Variants in APBB2 observed in about 807,000 individuals in gnomAD.
APBB2 encodes the protein Fe65-like 1.
A neutral mutation model predicts 82.5 loss-of-function variants in APBB2; 38 were observed. The ratio of observed to expected loss-of-function variants is 0.46; its 90% CI spans 0.36 to 0.60. The LOEUF (loss-of-function observed/expected upper bound fraction) is 0.60. Among genes scored for constraint, APBB2 ranks in the 20% least tolerant of loss-of-function variants. APBB2 has a pLI of 0.00. For missense variants in APBB2, 772 were observed against 972.3 expected (o/e 0.79, Z 2.74); for synonymous variants, 341 against 368.2 (o/e 0.93, Z 0.85).
chr4:40,915,659 G>A (rs536860610), intron 10 of APBB2, among the ~76,000 whole-genome samples: 2 of 152,118 alleles, frequency 1.3e-5, no homozygotes, highest in South Asian at 4.2e-4. Context: ...AGTTCATAAC[G>A]TGCAAAGACC....
chr4:41,086,118 T>C (rs1739557613), intron 3 of APBB2, among the ~76,000 whole-genome samples: 1 of 151,966 alleles, frequency 6.6e-6, no homozygotes, highest in African/African-American at 2.4e-5. Context: ...CAAAACTGAA[T>C]CATGAAGAAA....
chr4:40,994,298 AAG>A (rs1803012114), intron 6 of APBB2, among the ~76,000 whole-genome samples: 1 of 151,776 alleles, frequency 6.6e-6, no homozygotes. Flanking sequence ...AAAAAAAAAA[AAG>A]AAACACCTAG....
intron 4 of APBB2, among the ~76,000 whole-genome samples, chr4:41,040,855 C>A (rs761649131): frequency 6.6e-6 from 1 of 152,178 alleles, no homozygotes; most frequent in African/African-American, 2.4e-5. Context: ...AAATAAAGCA[C>A]ACTTGAGAAC....
chr4:41,033,373 G>T, intron 4 of APBB2, 69 bp from the exon 5 acceptor site: 1 of 1,084,518 alleles, frequency 9.2e-7, no homozygotes, highest in Non-Finnish European at 1.3e-6. Flanking sequence ...GAAAAGCATA[G>T]CAGTGAAAAT....
chr4:41,052,023 T>C (rs1489625184), intron 4 of APBB2, among the ~76,000 whole-genome samples: 5 of 152,132 alleles, frequency 3.3e-5, no homozygotes, highest in Admixed American at 3.3e-4. Flanking sequence ...GTGTAAGTGT[T>C]AACTGTCACC....
chr4:40,975,351 T>G (rs1796885070), intron 6 of APBB2, among the ~76,000 whole-genome samples: 1 of 152,184 alleles, frequency 6.6e-6, no homozygotes, highest in Admixed American at 6.5e-5. Flanking sequence ...CAAAAGGCTT[T>G]CACCCTTTTT....
chr4:40,837,751 G>A (rs1007186103), intron 12 of APBB2, among the ~76,000 whole-genome samples: 6 of 152,160 alleles, frequency 3.9e-5, no homozygotes, highest in Non-Finnish European at 7.3e-5. Flanking sequence ...GAATCATTGC[G>A]TTTTCTTTTA....
chr4:41,193,090 A>G (rs897856825), intron 1 of APBB2, among the ~76,000 whole-genome samples: 1 of 152,246 alleles, frequency 6.6e-6, no homozygotes, highest in African/African-American at 2.4e-5. Flanking sequence ...TTTAAAATAC[A>G]AAAGCAAAAA....
chr4:41,199,906 C>A (rs530062811), intron 1 of APBB2, among the ~76,000 whole-genome samples: 1 of 152,326 alleles, frequency 6.6e-6, no homozygotes, highest in Non-Finnish European at 1.5e-5. Context: ...CTGATTTCCT[C>A]TGTATGCTAG....
chr4:41,119,173 C>T (rs1038621655), intron 2 of APBB2, among the ~76,000 whole-genome samples: 2 of 149,022 alleles, frequency 1.3e-5, no homozygotes, highest in African/African-American at 5.0e-5. Flanking sequence ...AGAGCATGAA[C>T]ATGAGGTCAA....
At chr4:40,931,433 GCTAT>G (rs1784209623) in intron 10 of APBB2, among the ~76,000 whole-genome samples, 1 of 152,068 alleles carries the variant, frequency 6.6e-6, no homozygotes, top group African/African-American at 2.4e-5. Context: ...ACCACACCCA[GCTAT>G]TTTTTTATTT....
chr4:40,942,718 G>C (rs1026783471), intron 7 of APBB2, among the ~76,000 whole-genome samples: 1 of 152,098 alleles, frequency 6.6e-6, no homozygotes, highest in African/African-American at 2.4e-5. Flanking sequence ...AGGGGCCCTG[G>C]GCAGTAGTTA....
intron 1 of APBB2, among the ~76,000 whole-genome samples, chr4:41,172,756 T>C (rs916982719): frequency 2.6e-5 from 4 of 152,358 alleles, no homozygotes; most frequent in Non-Finnish European, 4.4e-5. Flanking sequence ...TCCCTCTGAC[T>C]ATGCCTGAAA....
intron 3 of APBB2, among the ~76,000 whole-genome samples, chr4:41,092,301 A>G (rs762781589): frequency 6.6e-6 from 1 of 152,266 alleles, no homozygotes; most frequent in Non-Finnish European, 1.5e-5. Context: ...ACCAGCTTAC[A>G]GCAGACTGAA....
chr4:40,875,793 C>G, intron 12 of APBB2, among the ~76,000 whole-genome samples: 1 of 150,046 alleles, frequency 6.7e-6, no homozygotes, highest in East Asian at 1.9e-4. Flanking sequence ...ATGTTTGCAA[C>G]TTTCTGCTAA....
At chr4:41,027,576 TTTTCATTTCCC>T (rs1218720136) in intron 5 of APBB2, among the ~76,000 whole-genome samples, 1 of 152,016 alleles carries the variant, frequency 6.6e-6, no homozygotes, top group Non-Finnish European at 1.5e-5. Flanking sequence ...GGGGCTATGC[TTTTCATTTCCC>T]TTTCATTTTC....
rs531259557 is a variant in APBB2, at chr4:40,843,568, G to A, written c.1530-12991C>T. On this transcript the variant is annotated intron_variant, in intron 12 of 17. Coordinates refer to ENST00000508593, the MANE Select transcript of APBB2 (RefSeq NM_004307.2). Reference sequence around the variant, plus strand: ...AACTGTAATATGGAAAGAGGATTATGGAGGATTTTACTTTATCTCTTTGAA... The same window carrying A: ...AACTGTAATATGGAAAGAGGATTATAGAGGATTTTACTTTATCTCTTTGAA... 3.2e-4 allele frequency among the ~76,000 whole-genome samples: 49 copies of A among 152,348 alleles called. No homozygotes were observed. In the South Asian group the frequency reaches 0.01, roughly 32 times the overall value.
intron 3 of APBB2, among the ~76,000 whole-genome samples, chr4:41,097,922 C>T (rs1308942569): frequency 6.6e-6 from 1 of 151,776 alleles, no homozygotes; most frequent in Non-Finnish European, 1.5e-5. Flanking sequence ...AAGAAACCAC[C>T]AAGACATTTA....
At chr4:40,924,292 C>G (rs1782063328) in intron 10 of APBB2, among the ~76,000 whole-genome samples, 1 of 152,202 alleles carries the variant, frequency 6.6e-6, no homozygotes, top group South Asian at 2.1e-4. Context: ...ATTTTCTGCC[C>G]TGTACTGAAG....
Sources: gnomAD v4.1 joint callset for allele counts (sites outside exome capture counted in the v4.1 genomes callset) on GRCh38, gnomAD v4.1.1 for gene constraint, MANE v1.5 for transcripts, NCBI Gene and HGNC (gene_info 2026-07-23, HGNC 2026-07-21) for gene names.